The following ZMYM2 variants were observed in gnomAD, a reference collection of about 807,000 sequenced individuals.
ZMYM2 encodes zinc finger MYM-type containing 2, also known as zinc finger MYM-type protein 2.
In ZMYM2, 56 loss-of-function variants were observed where a neutral mutation model predicts 162.8. The observed-to-expected ratio is 0.34, with a 90% CI of 0.28 to 0.43. ZMYM2 has a LOEUF of 0.43. Ranked by LOEUF, ZMYM2 falls within the 20% of genes least tolerant of loss-of-function variation. The probability of loss-of-function intolerance (pLI) is 1.00; values close to 1 mark genes in which losing one functional copy is unlikely to be tolerated. For synonymous variants in ZMYM2, 510 were observed against 541.6 expected, an observed-to-expected ratio of 0.94 and a Z score of 0.81; for missense variants, 1,275 against 1,621.8, an observed-to-expected ratio of 0.79 and a Z score of 3.67.
intron 2 of ZMYM2, among the ~76,000 whole-genome samples, chr13:19,991,628 T>TC (rs1382948615): frequency 3.3e-5 from 5 of 149,438 alleles, no homozygotes; most frequent in Non-Finnish European, 5.9e-5. Context: ...CTTTTTCTTT[T>TC]TTTTTTTTTT....
the ZMYM2 span, among the ~76,000 whole-genome samples, chr13:19,866,952 C>T: frequency 6.6e-6 from 1 of 152,164 alleles, no homozygotes; most frequent in East Asian, 1.9e-4. Context: ...GTAACATCAG[C>T]ACTTTCTTAC....
chr13:19,966,684 G>T (rs1402125801), intron 2 of ZMYM2, among the ~76,000 whole-genome samples: 1 of 151,224 alleles, frequency 6.6e-6, no homozygotes, highest in Admixed American at 6.6e-5. Context: ...CAGGTGATCT[G>T]CCTGCCTTGG....
At chr13:19,996,861 C>T (rs952180582) in intron 3 of ZMYM2, among the ~76,000 whole-genome samples, 3 of 152,178 alleles carry the variant, frequency 2.0e-5, no homozygotes, top group Non-Finnish European at 4.4e-5. Context: ...CACTCTAGCC[C>T]AGGCAGCAGA....
intron 15 of ZMYM2, among the ~76,000 whole-genome samples, chr13:20,059,101 A>G (rs1369357939): frequency 1.3e-5 from 2 of 152,156 alleles, no homozygotes; most frequent in Non-Finnish European, 2.9e-5. Context: ...TATGAAATTT[A>G]CAGTGTTACC....
At chr13:20,060,610 G>A (rs1956157279) in intron 16 of ZMYM2, among the ~76,000 whole-genome samples, 2 of 152,052 alleles carry the variant, frequency 1.3e-5, no homozygotes, top group South Asian at 2.1e-4. Flanking sequence ...CCCGGGAGGC[G>A]GAGGTTGCAG....
At chr13:19,919,674 CTTTTTCTTTTTTT>C in the ZMYM2 span, among the ~76,000 whole-genome samples, 3 of 67,372 alleles carry the variant, frequency 4.5e-5, no homozygotes, top group East Asian at 1.5e-3. Context: ...TGTTTTTTTT[CTTTTTCTTTTTTT>C]TTTTTTTGAA....
intron 2 of ZMYM2, among the ~76,000 whole-genome samples, chr13:19,963,814 C>G (rs779494139): frequency 1.6e-4 from 24 of 152,034 alleles, no homozygotes; most frequent in Non-Finnish European, 3.2e-4. Context: ...AATGAATTTT[C>G]GTAAACATTT....
At chr13:19,953,002 C>T in the ZMYM2 span, among the ~76,000 whole-genome samples, 5 of 152,200 alleles carry the variant, frequency 3.3e-5, no homozygotes, top group African/African-American at 1.2e-4. Flanking sequence ...TAGGACTGGG[C>T]TTGTCCCTTC....
intron 21 of ZMYM2, 35 bp downstream of exon 21, chr13:20,067,425 T>C (rs747695659): frequency 6.5e-7 from 1 of 1,546,376 alleles, no homozygotes; most frequent in East Asian, 2.3e-5. Flanking sequence ...AAGTATAACA[T>C]TAATAAGAAA....
intron 7 of ZMYM2, chr13:20,024,908 G>GAGGA (rs1952440262): frequency 4.6e-6 from 1 of 215,918 alleles, no homozygotes; most frequent in Non-Finnish European, 9.3e-6. Flanking sequence ...TTCAGTAAAT[G>GAGGA]AGGAAGTAGG....
intron 11 of ZMYM2, among the ~76,000 whole-genome samples, chr13:20,036,267 TG>T: frequency 2.1e-5 from 1 of 47,234 alleles, no homozygotes; most frequent in East Asian, 7.3e-4. Flanking sequence ...TCAATAAATC[TG>T]TTTTTTTTTC....
the ZMYM2 span, among the ~76,000 whole-genome samples, chr13:19,875,387 A>T: frequency 0.012 from 1,839 of 152,160 alleles, 40 homozygotes; most frequent in African/African-American, 0.041. Flanking sequence ...CCCAGCACTT[A>T]GGGAGGCTGA....
intron 2 of ZMYM2, among the ~76,000 whole-genome samples, chr13:19,962,022 A>AT (rs1955275457): frequency 6.6e-6 from 1 of 152,120 alleles, no homozygotes; most frequent in South Asian, 2.1e-4. Context: ...ATCCTTTTAA[A>AT]TTGTTGGGAG....
intron 2 of ZMYM2, among the ~76,000 whole-genome samples, chr13:19,974,633 G>A (rs545389705): frequency 1.3e-4 from 20 of 151,922 alleles, no homozygotes; most frequent in Non-Finnish European, 2.1e-4. Flanking sequence ...CACCACACCC[G>A]GCTGATTTTT....
the ZMYM2 span, among the ~76,000 whole-genome samples, chr13:19,896,793 T>A: frequency 6.8e-6 from 1 of 146,490 alleles, no homozygotes; most frequent in African/African-American, 2.5e-5. Context: ...AAGAATGGAA[T>A]CCACTGGGTG....
At chr13:20,052,134 A>G (rs1459727159) in intron 13 of ZMYM2, 143 bp from the exon 14 acceptor site, 8 of 671,910 alleles carry the variant, frequency 1.2e-5, no homozygotes, top group East Asian at 1.1e-4. Flanking sequence ...ACTTTATACA[A>G]ATTTGAAATT....
intron 5 of ZMYM2, 147 bp from the exon 6 acceptor site, chr13:20,006,227 G>A: frequency 4.1e-6 from 3 of 724,498 alleles, no homozygotes; most frequent in East Asian, 2.9e-5. Context: ...GTGAGACCCT[G>A]TCTTTAAAAA....
At chr13:20,002,120 C>T (rs531972154) in intron 3 of ZMYM2, among the ~76,000 whole-genome samples, 1 of 152,120 alleles carries the variant, frequency 6.6e-6, no homozygotes, top group South Asian at 2.1e-4. Context: ...GGCCATGAAA[C>T]TAAACATATA....
chr13:19,876,755 TTTC>T, the ZMYM2 span, among the ~76,000 whole-genome samples: 1 of 152,178 alleles, frequency 6.6e-6, no homozygotes, highest in Non-Finnish European at 1.5e-5. Context: ...TTTCAGAACT[TTTC>T]TTATCTTGCA....
Sources: allele counts gnomAD v4.1 joint callset (sites outside exome capture counted in the v4.1 genomes callset), GRCh38; gene constraint gnomAD v4.1.1; transcripts MANE v1.5; gene names NCBI Gene and HGNC (gene_info 2026-07-23, HGNC 2026-07-21).